The following INPP4B variants were observed in gnomAD, a reference collection of about 807,000 sequenced individuals.
INPP4B encodes inositol polyphosphate-4-phosphatase type II B, also known as inositol polyphosphate 4-phosphatase type II.
In INPP4B, 55 loss-of-function variants were observed where a neutral mutation model predicts 122.5. The observed-to-expected ratio is 0.45, with a 90% CI of 0.36 to 0.56. The LOEUF is 0.56. INPP4B is among the 20% of genes least tolerant of loss of function. The probability of loss-of-function intolerance (pLI) is 0.00; values close to 1 mark genes in which losing one functional copy is unlikely to be tolerated. For missense variants in INPP4B, 1,000 were observed against 1,097.7 expected (o/e 0.91, Z 1.26); for synonymous variants, 403 against 388.7 (o/e 1.04, Z -0.43).
At chr4:142,759,825 TAAAAAAAAA>T (rs70949188) in intron 1 of INPP4B, among the ~76,000 whole-genome samples, 6 of 70,070 alleles carry the variant, frequency 8.6e-5, no homozygotes, top group African/African-American at 1.1e-4. Flanking sequence ...GAGCTTTTTC[TAAAAAAAAA>T]AAAAAAAAAA....
intron 2 of INPP4B, among the ~76,000 whole-genome samples, chr4:142,593,198 T>C (rs1229199986): frequency 6.6e-6 from 1 of 152,022 alleles, no homozygotes; most frequent in Non-Finnish European, 1.5e-5. Context: ...TTATTTAAAA[T>C]GTGAGGCAGT....
rs75798398 is a variant in INPP4B, at chr4:142,587,476, A to G, written c.-190-124750T>C. ...CTTCTGAAAAAAAAGTACCAGTTCC[A>G]GATTAGCTCATTTGTGAATGCTACA... On this transcript the variant is annotated intron_variant, in intron 2 of 25. Transcript: ENST00000262992. Among the ~76,000 whole-genome samples the G allele has an allele frequency of 3.9e-5, 6 of 152,266 alleles. No homozygotes were observed. In the East Asian group the frequency reaches 1.2e-3, roughly 29 times the overall value.
intron 2 of INPP4B, among the ~76,000 whole-genome samples, chr4:142,534,920 A>G (rs1044884375): frequency 1.3e-5 from 2 of 152,146 alleles, no homozygotes; most frequent in African/African-American, 4.8e-5. Context: ...CAGGTATAGC[A>G]CAATTTACTT....
rs1736032809 is a variant in INPP4B, at chr4:142,023,287, A to C, written c.*5495T>G. 1 of 152,216 alleles carries C rather than the reference A, an allele frequency of 6.6e-6. No homozygotes were observed. Among genetic ancestry groups the C allele is most frequent in the East Asian group, 1.9e-4 (1 of 5,200 alleles). The allele number at this position is 152,216 out of a possible 1,614,324, so 9.4% of individuals were successfully genotyped here. On this transcript the variant is annotated 3_prime_UTR_variant, in exon 26 of 26. Transcript: ENST00000262992. Reference sequence around the variant, plus strand: ...AACATAAAATGATCTATTTATGCCTAGAAAAAATTTCTAGGAATACACATT... The same window carrying C: ...AACATAAAATGATCTATTTATGCCTCGAAAAAATTTCTAGGAATACACATT...
chr4:142,763,457 C>A (rs1214039669), intron 1 of INPP4B, among the ~76,000 whole-genome samples: 3 of 152,038 alleles, frequency 2.0e-5, no homozygotes, highest in African/African-American at 7.2e-5. Flanking sequence ...AAGAAACAAA[C>A]AACAGAACAT....
intron 3 of INPP4B, among the ~76,000 whole-genome samples, chr4:142,435,698 C>A (rs1810318302): frequency 6.6e-6 from 1 of 152,184 alleles, no homozygotes; most frequent in Admixed American, 6.5e-5. Context: ...AGCCCCCATA[C>A]CCAGACAAGG....
intron 25 of INPP4B, among the ~76,000 whole-genome samples, chr4:142,077,273 T>A (rs1278051491): frequency 1.3e-5 from 2 of 151,922 alleles, no homozygotes; most frequent in Non-Finnish European, 2.9e-5. Context: ...ATATTAACTA[T>A]CCTAATTTTA....
intron 2 of INPP4B, among the ~76,000 whole-genome samples, chr4:142,488,973 T>C (rs1308650692): frequency 6.6e-6 from 1 of 152,144 alleles, no homozygotes; most frequent in African/African-American, 2.4e-5. Flanking sequence ...GTGCTATCTT[T>C]TGTATTTTAA....
intron 2 of INPP4B, among the ~76,000 whole-genome samples, chr4:142,566,942 G>T (rs1473222): frequency 2.0e-5 from 3 of 152,010 alleles, no homozygotes; most frequent in South Asian, 2.1e-4. Flanking sequence ...TAAGGACTAC[G>T]TTCAGAGCCT....
intron 16 of INPP4B, among the ~76,000 whole-genome samples, chr4:142,169,658 T>G (rs1482672201): frequency 6.6e-6 from 1 of 151,704 alleles, no homozygotes; most frequent in Non-Finnish European, 1.5e-5. Context: ...AATTATAAGC[T>G]ATGAGAATTT....
At chr4:142,641,575 C>A (rs1033488590) in intron 2 of INPP4B, among the ~76,000 whole-genome samples, 2 of 152,094 alleles carry the variant, frequency 1.3e-5, no homozygotes, top group Non-Finnish European at 2.9e-5. Flanking sequence ...CATCTTCATT[C>A]ATGTCCCTAC....
intron 7 of INPP4B, among the ~76,000 whole-genome samples, chr4:142,320,921 T>C (rs62328285): frequency 0.097 from 14,755 of 152,250 alleles, 776 homozygotes; most frequent in Middle Eastern, 0.19. Context: ...GAATTCTGCA[T>C]TATAAACATG....
chr4:142,143,289 A>G (rs1256146422), intron 18 of INPP4B, among the ~76,000 whole-genome samples: 1 of 152,018 alleles, frequency 6.6e-6, no homozygotes, highest in Non-Finnish European at 1.5e-5. Flanking sequence ...ACTATTTACT[A>G]TCTTCCTAAA....
chr4:142,573,194 C>A (rs7695196), intron 2 of INPP4B, among the ~76,000 whole-genome samples: 172 of 152,072 alleles, frequency 1.1e-3, no homozygotes, highest in African/African-American at 4.1e-3. Flanking sequence ...AACCAGATCT[C>A]GCTATCACAA....
At position 142,070,642 on chromosome 4, in the gene INPP4B, C is replaced by G. The variant is rs899444560; in HGVS notation, c.2642+11389G>C. Among the ~76,000 whole-genome samples the G allele has an allele frequency of 4.6e-5, 7 of 152,280 alleles. No homozygotes were observed. The East Asian group carries it at 1.2e-3, about 25-fold the overall frequency. ...CTGATAAGCAACTTCAGCAAAGTCT[C>G]AAGATACAAAATCAATGTGCAAAAA... is the stretch of plus-strand genomic sequence containing the variant. On this transcript the variant is annotated intron_variant, in intron 25 of 25. Transcript: ENST00000262992.
intron 7 of INPP4B, among the ~76,000 whole-genome samples, chr4:142,389,165 G>T (rs1400549245): frequency 6.6e-6 from 1 of 151,554 alleles, no homozygotes; most frequent in Non-Finnish European, 1.5e-5. Context: ...CAGGAGAATT[G>T]CTTGAAGCTG....
At chr4:142,201,102 T>C (rs937247850) in intron 14 of INPP4B, among the ~76,000 whole-genome samples, 1 of 152,076 alleles carries the variant, frequency 6.6e-6, no homozygotes, top group African/African-American at 2.4e-5. Flanking sequence ...ACTTCAGGTC[T>C]TCAAAAAACT....
At chr4:142,646,131 T>C (rs1751728221) in intron 2 of INPP4B, among the ~76,000 whole-genome samples, 1 of 152,184 alleles carries the variant, frequency 6.6e-6, no homozygotes, top group African/African-American at 2.4e-5. Context: ...GTCATAGTTA[T>C]ATGAGTATAT....
intron 9 of INPP4B, among the ~76,000 whole-genome samples, chr4:142,285,678 C>T (rs904632491): frequency 1.3e-5 from 2 of 151,892 alleles, no homozygotes; most frequent in Non-Finnish European, 2.9e-5. Context: ...ATGGACCTCA[C>T]GTATCAGAGT....
Sources: gnomAD v4.1 joint callset for allele counts (sites outside exome capture counted in the v4.1 genomes callset) on GRCh38, gnomAD v4.1.1 for gene constraint, MANE v1.5 for transcripts, NCBI Gene and HGNC (gene_info 2026-07-23, HGNC 2026-07-21) for gene names.